The following ZMAT4 variants were observed in gnomAD, a reference collection of about 807,000 sequenced individuals.
The protein encoded by ZMAT4 is zinc finger matrin-type 4.
Under a neutral mutation model 28.7 loss-of-function variants are expected in ZMAT4, and 17 were observed. The observed-to-expected ratio is 0.59, with a 90% CI of 0.41 to 0.89. ZMAT4 has a LOEUF of 0.89. Ranked by LOEUF, ZMAT4 falls within the 40% of genes least tolerant of loss-of-function variation. The pLI, the probability that ZMAT4 is intolerant of heterozygous loss-of-function variation, is 0.00. For synonymous variants in ZMAT4, 117 were observed against 109.2 expected, an observed-to-expected ratio of 1.07 and a Z score of -0.44; for missense variants, 240 against 283.8, an observed-to-expected ratio of 0.85 and a Z score of 1.11.
intron 1 of ZMAT4, among the ~76,000 whole-genome samples, chr8:40,852,753 T>TA (rs1208308656): frequency 6.6e-6 from 1 of 152,210 alleles, no homozygotes; most frequent in Non-Finnish European, 1.5e-5. Context: ...CATGCATTGG[T>TA]AAAACTGTTC....
At chr8:40,614,006 T>C (rs1805901462) in intron 5 of ZMAT4, among the ~76,000 whole-genome samples, 1 of 152,254 alleles carries the variant, frequency 6.6e-6, no homozygotes, top group South Asian at 2.1e-4. Flanking sequence ...GGAGAGTCCA[T>C]AAGTGTCCCA....
At chr8:40,733,520 G>A (rs992073509) in intron 3 of ZMAT4, among the ~76,000 whole-genome samples, 5 of 152,100 alleles carry the variant, frequency 3.3e-5, no homozygotes, top group African/African-American at 1.2e-4. Flanking sequence ...TTGGGGGCCT[G>A]TTAACAAGTT....
intron 2 of ZMAT4, among the ~76,000 whole-genome samples, chr8:40,774,013 C>G (rs1046496674): frequency 1.3e-5 from 2 of 151,938 alleles, no homozygotes; most frequent in African/African-American, 4.8e-5. Flanking sequence ...ATATATTTAA[C>G]CTTGTGATGG....
At chr8:40,784,222 A>G (rs545725789) in intron 2 of ZMAT4, among the ~76,000 whole-genome samples, 2 of 152,346 alleles carry the variant, frequency 1.3e-5, no homozygotes, top group African/African-American at 4.8e-5. Flanking sequence ...AAAATAATAT[A>G]TCATGATCAA....
intron 3 of ZMAT4, among the ~76,000 whole-genome samples, chr8:40,710,507 A>G (rs1216057651): frequency 6.6e-6 from 1 of 152,200 alleles, no homozygotes. Flanking sequence ...AATTCTAACC[A>G]GTGAAGAGGG....
intron 2 of ZMAT4, among the ~76,000 whole-genome samples, chr8:40,824,206 C>T (rs1262555765): frequency 6.6e-6 from 1 of 152,228 alleles, no homozygotes; most frequent in African/African-American, 2.4e-5. Flanking sequence ...CTGGATAAGC[C>T]TTCCAATATA....
intron 1 of ZMAT4, among the ~76,000 whole-genome samples, chr8:40,832,669 A>T (rs1474554094): frequency 6.6e-6 from 1 of 152,176 alleles, no homozygotes; most frequent in African/African-American, 2.4e-5. Flanking sequence ...GACAAACTCC[A>T]CAGCCGACTA....
chr8:40,886,389 G>A (rs548125281), intron 1 of ZMAT4, among the ~76,000 whole-genome samples: 1 of 152,370 alleles, frequency 6.6e-6, no homozygotes, highest in South Asian at 2.1e-4. Context: ...GGCCTCCAGA[G>A]TCACGCAGCT....
intron 2 of ZMAT4, among the ~76,000 whole-genome samples, chr8:40,815,010 C>T (rs187899976): frequency 1.3e-4 from 20 of 152,318 alleles, no homozygotes; most frequent in African/African-American, 4.1e-4. Context: ...CTTGGCAGCT[C>T]ATGCCTGTAA....
chr8:40,743,166 T>A (rs1257189891), intron 3 of ZMAT4, among the ~76,000 whole-genome samples: 1 of 152,100 alleles, frequency 6.6e-6, no homozygotes, highest in African/African-American at 2.4e-5. Flanking sequence ...AATAAATACA[T>A]TTATTTATTT....
At chr8:40,608,028 C>T (rs925020077) in intron 5 of ZMAT4, among the ~76,000 whole-genome samples, 1 of 152,068 alleles carries the variant, frequency 6.6e-6, no homozygotes, top group African/African-American at 2.4e-5. Context: ...GGAGGTGACT[C>T]TTTCAAGAGA....
intron 6 of ZMAT4, among the ~76,000 whole-genome samples, chr8:40,566,697 C>G (rs964954420): frequency 6.6e-6 from 1 of 152,106 alleles, no homozygotes; most frequent in Non-Finnish European, 1.5e-5. Flanking sequence ...AGGAATTATA[C>G]TGACCAAAAG....
chr8:40,786,850 T>C, intron 2 of ZMAT4: 1 of 660,978 alleles, frequency 1.5e-6, no homozygotes, highest in Non-Finnish European at 2.3e-6. Flanking sequence ...CACTGAAGGC[T>C]GTTCTAGGCC....
At chr8:40,861,144 G>A (rs1817474174) in intron 1 of ZMAT4, among the ~76,000 whole-genome samples, 1 of 152,168 alleles carries the variant, frequency 6.6e-6, no homozygotes, top group Non-Finnish European at 1.5e-5. Context: ...CTCTGCTAGG[G>A]CCAGGGGGGA....
At chr8:40,798,150 T>C (rs1814673949) in intron 2 of ZMAT4, among the ~76,000 whole-genome samples, 2 of 152,178 alleles carry the variant, frequency 1.3e-5, no homozygotes, top group Non-Finnish European at 2.9e-5. Flanking sequence ...ACTGGCTTTT[T>C]CCTGCATCTC....
intron 5 of ZMAT4, among the ~76,000 whole-genome samples, chr8:40,588,514 A>T (rs879717266): frequency 9.2e-5 from 14 of 152,122 alleles, no homozygotes; most frequent in Admixed American, 4.6e-4. Flanking sequence ...CAATAAGCAC[A>T]TGAAAAGTTT....
intron 6 of ZMAT4, among the ~76,000 whole-genome samples, chr8:40,567,878 G>T (rs1803971947): frequency 6.6e-6 from 1 of 152,030 alleles, no homozygotes; most frequent in South Asian, 2.1e-4. Flanking sequence ...TTTATCAAAT[G>T]TCATCACTCA....
chr8:40,792,684 GAGAGGAGGAGA>G (rs1814410129), intron 2 of ZMAT4, among the ~76,000 whole-genome samples: 1 of 26,196 alleles, frequency 3.8e-5, no homozygotes, highest in Non-Finnish European at 7.1e-5. Flanking sequence ...GAGGGGAGGG[GAGAGGAGGAGA>G]GGGGAGGGGA....
At chr8:40,607,235 C>T (rs1805627616) in intron 5 of ZMAT4, among the ~76,000 whole-genome samples, 2 of 150,390 alleles carry the variant, frequency 1.3e-5, no homozygotes, top group Non-Finnish European at 1.5e-5. Flanking sequence ...CGCCATTCTC[C>T]TGCCTCAGCC....
Sources: allele counts gnomAD v4.1 joint callset (sites outside exome capture counted in the v4.1 genomes callset), GRCh38; gene constraint gnomAD v4.1.1; transcripts MANE v1.5; gene names NCBI Gene and HGNC (gene_info 2026-07-23, HGNC 2026-07-21).